TRDN: variants seen among roughly 807,000 people sequenced by gnomAD.
The protein encoded by TRDN is triadin in skeletal muscle.
Under a neutral mutation model 149.7 loss-of-function variants are expected in TRDN, and 161 were observed. That is an observed-to-expected ratio of 1.08 (90% confidence interval 0.95 to 1.23). The LOEUF is 1.23. Ranked by LOEUF, TRDN falls within the 50% of genes most tolerant of loss-of-function variation. The probability of loss-of-function intolerance (pLI) is 0.00; values close to 1 mark genes in which losing one functional copy is unlikely to be tolerated. For missense variants in TRDN, 896 were observed against 823.5 expected (o/e 1.09, Z -1.08); for synonymous variants, 294 against 250.5 (o/e 1.17, Z -1.64).
At chr6:123,263,435 G>A (rs371166912) in intron 33 of TRDN, among the ~76,000 whole-genome samples, 5 of 152,020 alleles carry the variant, frequency 3.3e-5, no homozygotes, top group Admixed American at 6.6e-5. Flanking sequence ...ATCAAATGCC[G>A]ATACAGAAGC....
At chr6:123,392,753 G>A (rs571734849) in intron 13 of TRDN, among the ~76,000 whole-genome samples, 8 of 151,782 alleles carry the variant, frequency 5.3e-5, no homozygotes, top group African/African-American at 1.5e-4. Context: ...CAATATTTTC[G>A]GGGGTGATTC....
chr6:123,585,213 T>C (rs1377479645), intron 1 of TRDN, among the ~76,000 whole-genome samples: 2 of 150,392 alleles, frequency 1.3e-5, no homozygotes, highest in African/African-American at 4.9e-5. Flanking sequence ...GAGATGTAGC[T>C]GTAATCCAGG....
intron 9 of TRDN, among the ~76,000 whole-genome samples, chr6:123,479,297 A>C (rs1777640060): frequency 6.6e-6 from 1 of 152,174 alleles, no homozygotes; most frequent in African/African-American, 2.4e-5. Flanking sequence ...TATGAGTAGA[A>C]CACTAATCTT....
chr6:123,483,460 G>A (rs1174095933), intron 9 of TRDN, among the ~76,000 whole-genome samples: 1 of 151,772 alleles, frequency 6.6e-6, no homozygotes, highest in Non-Finnish European at 1.5e-5. Context: ...CCCCTATTTG[G>A]GATGAAAAAA....
At chr6:123,614,965 A>G (rs780562977) in intron 1 of TRDN, among the ~76,000 whole-genome samples, 2 of 152,206 alleles carry the variant, frequency 1.3e-5, no homozygotes, top group Non-Finnish European at 2.9e-5. Flanking sequence ...AATAATAAAC[A>G]AATAGTGTGA....
chr6:123,272,898 C>G, intron 29 of TRDN, 66 bp downstream of exon 29: 4 of 1,181,866 alleles, frequency 3.4e-6, no homozygotes, highest in South Asian at 3.0e-5. Flanking sequence ...ACTCTAAACT[C>G]TTCCTTCTGC....
chr6:123,502,973 A>T, intron 8 of TRDN: 1 of 985,302 alleles, frequency 1.0e-6, no homozygotes, highest in South Asian at 4.7e-5. Context: ...TTGCCCTCCT[A>T]AACCTTCAGC....
intron 5 of TRDN, among the ~76,000 whole-genome samples, chr6:123,524,707 G>C (rs1261229027): frequency 6.6e-6 from 1 of 152,032 alleles, no homozygotes; most frequent in Non-Finnish European, 1.5e-5. Flanking sequence ...AAAAATAGTA[G>C]TTATTCTGAT....
intron 5 of TRDN, chr6:123,529,546 T>TGTATTAATATAAATTCACGTGCTA: frequency 1.8e-6 from 1 of 561,320 alleles, no homozygotes; most frequent in South Asian, 1.9e-5. Flanking sequence ...AACATGGCAT[T>TGTATTAATATAAATTCACGTGCTA]GTATTAATAT....
chr6:123,516,557 C>T (rs1241667854), intron 5 of TRDN, among the ~76,000 whole-genome samples: 1 of 151,918 alleles, frequency 6.6e-6, no homozygotes, highest in Admixed American at 6.6e-5. Flanking sequence ...TGGATGAATG[C>T]TTGAAATATG....
At chr6:123,259,078 CA>C (rs1310979600) in intron 35 of TRDN, among the ~76,000 whole-genome samples, 2 of 151,644 alleles carry the variant, frequency 1.3e-5, no homozygotes, top group African/African-American at 2.4e-5. Flanking sequence ...TTAATCTTTT[CA>C]AAAAAACAGC....
chr6:123,305,797 T>A (rs1340096501), intron 24 of TRDN, among the ~76,000 whole-genome samples: 1 of 152,126 alleles, frequency 6.6e-6, no homozygotes, highest in African/African-American at 2.4e-5. Flanking sequence ...ACCTAAGAAA[T>A]CCCTTTTATC....
intron 1 of TRDN, among the ~76,000 whole-genome samples, chr6:123,629,231 A>G (rs975721872): frequency 3.9e-5 from 6 of 152,136 alleles, no homozygotes; most frequent in African/African-American, 1.4e-4. Flanking sequence ...GCAACAGACA[A>G]TTTTCCAAGG....
intron 23 of TRDN, among the ~76,000 whole-genome samples, chr6:123,328,569 A>T (rs1476892677): frequency 3.9e-5 from 6 of 152,046 alleles, no homozygotes; most frequent in Non-Finnish European, 7.4e-5. Flanking sequence ...TCCCAAGTAC[A>T]CTTTGATGGC....
chr6:123,435,583 G>T (rs1007488704), intron 12 of TRDN, among the ~76,000 whole-genome samples: 2 of 148,714 alleles, frequency 1.3e-5, no homozygotes, highest in African/African-American at 5.1e-5. Context: ...TTGAGTATTT[G>T]GGGGTTGAGG....
chr6:123,301,762 T>TATATAC lies in TRDN; in HGVS notation c.1510+14694_1510+14695insGTATAT, dbSNP rs1554221693. ...GTATGTATATATATACATATATATA[T>TATATAC]ATATATACATATATATATATATATA... On this transcript the variant is annotated intron_variant, in intron 24 of 40. Coordinates refer to ENST00000334268, the MANE Select transcript of TRDN (RefSeq NM_006073.4). 7.9e-4 allele frequency among the ~76,000 whole-genome samples: 64 copies of TATATAC among 80,758 alleles called. 1 individual carries two copies. In the South Asian group the frequency reaches 0.012, roughly 16 times the overall value. The allele number at this position is 80,758 out of a possible 152,430, so 53.0% of individuals were successfully genotyped here. A position where few individuals can be genotyped will look rare whatever the true frequency, so the allele number is the denominator to read the frequency against.
At chr6:123,334,077 T>C (rs751241819) in intron 22 of TRDN, among the ~76,000 whole-genome samples, 3 of 152,046 alleles carry the variant, frequency 2.0e-5, no homozygotes, top group Non-Finnish European at 4.4e-5. Flanking sequence ...GTATCCATGA[T>C]GAAGTACAGC....
intron 4 of TRDN, among the ~76,000 whole-genome samples, chr6:123,533,960 C>T (rs2114358069): frequency 6.6e-6 from 1 of 152,204 alleles, no homozygotes; most frequent in East Asian, 1.9e-4. Context: ...GTAGATGCAA[C>T]CCAGTTCTAC....
At chr6:123,309,961 A>G (rs1778754376) in intron 24 of TRDN, among the ~76,000 whole-genome samples, 1 of 152,054 alleles carries the variant, frequency 6.6e-6, no homozygotes. Flanking sequence ...GTAAAGATGC[A>G]ATATTAAAGG....
Sources: gnomAD v4.1 joint callset for allele counts (sites outside exome capture counted in the v4.1 genomes callset) on GRCh38, gnomAD v4.1.1 for gene constraint, MANE v1.5 for transcripts, NCBI Gene and HGNC (gene_info 2026-07-23, HGNC 2026-07-21) for gene names.